Variants in EEFSEC observed in about 807,000 individuals in gnomAD.
EEFSEC encodes selenocysteine-specific elongation factor.
A neutral mutation model predicts 42.1 loss-of-function variants in EEFSEC; 43 were observed. The ratio of observed to expected loss-of-function variants is 1.02; its 90% CI spans 0.80 to 1.32. EEFSEC has a LOEUF of 1.32. Among genes scored for constraint, EEFSEC ranks in the 40% most tolerant of loss-of-function variants. The pLI is 0.00. For synonymous variants in EEFSEC, 354 were observed against 339.1 expected, an observed-to-expected ratio of 1.04 and a Z score of -0.48; for missense variants, 745 against 803.6, an observed-to-expected ratio of 0.93 and a Z score of 0.88.
chr3:128,200,662 C>T (rs1176284683), intron 1 of EEFSEC, among the ~76,000 whole-genome samples: 1 of 152,184 alleles, frequency 6.6e-6, no homozygotes, highest in Non-Finnish European at 1.5e-5. Flanking sequence ...GGAAAGAATG[C>T]TAGCTGAAAC....
intron 6 of EEFSEC, among the ~76,000 whole-genome samples, chr3:128,384,163 G>C (rs1346363184): frequency 6.6e-6 from 1 of 152,230 alleles, no homozygotes; most frequent in African/African-American, 2.4e-5. Context: ...CCATCTTGGA[G>C]GAGGGTGGAG....
chr3:128,370,482 G>A (rs891914224), intron 6 of EEFSEC, among the ~76,000 whole-genome samples: 8 of 152,114 alleles, frequency 5.3e-5, no homozygotes, highest in South Asian at 2.1e-4. Context: ...TAAAGGCCCC[G>A]GTCTGGCAGC....
chr3:128,280,062 C>T (rs903779598), intron 4 of EEFSEC, among the ~76,000 whole-genome samples: 1 of 152,172 alleles, frequency 6.6e-6, no homozygotes, highest in Non-Finnish European at 1.5e-5. Context: ...TGTTCCTGGG[C>T]CCTTAATAAA....
intron 1 of EEFSEC, among the ~76,000 whole-genome samples, chr3:128,225,723 C>A (rs2065901329): frequency 6.6e-6 from 1 of 152,240 alleles, no homozygotes; most frequent in Non-Finnish European, 1.5e-5. Context: ...TCTGCATCCC[C>A]TTCCTCTCTC....
Position 128,341,380 on chromosome 3 carries a change from G to A in EEFSEC, c.934G>A (p.Val312Ile). 1 of 1,614,166 alleles carries A rather than the reference G, an allele frequency of 6.2e-7. No homozygotes were observed. The highest frequency in any genetic ancestry group is 2.2e-5 in the East Asian group (1 of 44,874). ...GTGTGCCCCCGAGTCCCTGCACACT[G>A]TCCATGCGGCCCTCATCTCTGTGGA... ...LVCAPESLHTVHAALISVEKI... is the reference protein window; with the variant it reads ...LVCAPESLHTIHAALISVEKI... Residue 312 changes from valine (V) to isoleucine (I), a missense_variant, in exon 5 of 7, where the codon GTC becomes ATC. Transcript: ENST00000254730.
the EEFSEC span, among the ~76,000 whole-genome samples, chr3:128,424,576 G>A: frequency 6.6e-6 from 1 of 151,826 alleles, no homozygotes; most frequent in African/African-American, 2.4e-5. Context: ...GTAGAGACAT[G>A]GTCTCACTAT....
intron 4 of EEFSEC, among the ~76,000 whole-genome samples, chr3:128,314,619 C>T (rs1166133794): frequency 1.3e-5 from 2 of 152,218 alleles, no homozygotes; most frequent in Non-Finnish European, 2.9e-5. Context: ...GTTGGTATTA[C>T]AGGCATCAGC....
intron 5 of EEFSEC, among the ~76,000 whole-genome samples, chr3:128,357,812 G>A (rs2067474381): frequency 7.1e-6 from 1 of 141,318 alleles, no homozygotes; most frequent in South Asian, 2.2e-4. Flanking sequence ...GGGGTGGGGG[G>A]GGCCTGCAAC....
At chr3:128,413,644 G>A (rs911129087), downstream of EEFSEC, among the ~76,000 whole-genome samples, 2 of 152,206 alleles carry the variant, frequency 1.3e-5, no homozygotes, top group African/African-American at 4.8e-5. Context: ...GGGAGACAGT[G>A]CAGCAGAGAG....
chr3:128,206,230 G>A (rs561610803), intron 1 of EEFSEC, among the ~76,000 whole-genome samples: 17 of 152,278 alleles, frequency 1.1e-4, no homozygotes, highest in South Asian at 4.1e-4. Context: ...AGATCCATCT[G>A]CCCTGGGCAA....
intron 1 of EEFSEC, among the ~76,000 whole-genome samples, chr3:128,239,904 G>T (rs943112461): frequency 2.0e-5 from 3 of 152,248 alleles, no homozygotes; most frequent in Admixed American, 1.3e-4. Context: ...CCACTGGAGG[G>T]TCTGGGCCTG....
At chr3:128,289,285 C>G (rs1201223311) in intron 4 of EEFSEC, among the ~76,000 whole-genome samples, 1 of 152,216 alleles carries the variant, frequency 6.6e-6, no homozygotes, top group Non-Finnish European at 1.5e-5. Context: ...AACCAGTTTA[C>G]CAAGACCTGG....
rs753789877 is a variant in EEFSEC at position 128,264,645 on chromosome 3, C to T, written c.650C>T (p.Thr217Met). 1.2e-5 allele frequency: 19 copies of T among 1,614,012 alleles called. No individual in the cohort carries two copies. Among genetic ancestry groups the T allele is most frequent in the Admixed American group, 1.7e-5 (1 of 60,020 alleles). Residue 217 changes from threonine to methionine, a missense_variant, in exon 4 of 7, where the codon ACG (threonine) becomes ATG (methionine). Thr to Met is a moderately conservative substitution (Grantham distance 81, BLOSUM62 -1). Coordinates refer to ENST00000254730, the MANE Select transcript of EEFSEC (RefSeq NM_021937.5). ...CTGACGTCCCAGATTTCCATCCCAA[C>T]GAGAGATCCCTCGGGACCGTTCCTC... is the stretch of plus-strand genomic sequence containing the variant. ...ELLTSQISIP[T>M]RDPSGPFLMS...
chr3:128,168,759 TC>T (rs1276069849), intron 1 of EEFSEC, among the ~76,000 whole-genome samples: 1 of 152,228 alleles, frequency 6.6e-6, no homozygotes, highest in Non-Finnish European at 1.5e-5. Context: ...CTCTGGTACC[TC>T]CCCAGGCATC....
intron 1 of EEFSEC, among the ~76,000 whole-genome samples, chr3:128,198,003 C>T (rs2065603744): frequency 6.6e-6 from 1 of 152,192 alleles, no homozygotes; most frequent in South Asian, 2.1e-4. Flanking sequence ...TCCCTTTACC[C>T]CATCCCCCTT....
chr3:128,364,545 A>T (rs2067565923), intron 6 of EEFSEC, among the ~76,000 whole-genome samples: 1 of 152,194 alleles, frequency 6.6e-6, no homozygotes, highest in South Asian at 2.1e-4. Context: ...AGACCATGGG[A>T]TGGGGAGTCG....
chr3:128,197,737 A>T (rs559810886), intron 1 of EEFSEC, among the ~76,000 whole-genome samples: 1 of 152,130 alleles, frequency 6.6e-6, no homozygotes, highest in Non-Finnish European at 1.5e-5. Flanking sequence ...GGTAGCAACA[A>T]TCTGATTCTC....
intron 1 of EEFSEC, among the ~76,000 whole-genome samples, chr3:128,222,088 C>T (rs2065867032): frequency 1.5e-5 from 2 of 131,628 alleles, no homozygotes; most frequent in South Asian, 5.0e-4. Context: ...GGCTGGAGTG[C>T]AGTGGCACGA....
intron 2 of EEFSEC, among the ~76,000 whole-genome samples, chr3:128,258,295 G>A (rs1010167071): frequency 1.3e-5 from 2 of 152,174 alleles, no homozygotes; most frequent in African/African-American, 4.8e-5. Context: ...TCCCTGGGGA[G>A]TGGATGCTGG....
Sources: gnomAD v4.1 joint callset for allele counts (sites outside exome capture counted in the v4.1 genomes callset) on GRCh38, gnomAD v4.1.1 for gene constraint, MANE v1.5 for transcripts, NCBI Gene and HGNC (gene_info 2026-07-23, HGNC 2026-07-21) for gene names.